Variants in HHAT observed in about 807,000 individuals in gnomAD.
HHAT encodes hedgehog acyltransferase.
Under a neutral mutation model 70.8 loss-of-function variants are expected in HHAT, and 47 were observed. That is an observed-to-expected ratio of 0.66 (90% CI 0.53 to 0.85). The LOEUF (loss-of-function observed/expected upper bound fraction) is 0.85, where lower values mean the gene tolerates loss of function less well. Among genes scored for constraint, HHAT ranks in the 40% least tolerant of loss-of-function variants. The pLI is 0.00. For missense variants in HHAT, 609 were observed against 604.8 expected (o/e 1.01, Z -0.07); for synonymous variants, 228 against 247.6 (o/e 0.92, Z 0.74).
chr1:210,630,706 C>T (rs1191232844), intron 11 of HHAT, among the ~76,000 whole-genome samples: 3 of 152,176 alleles, frequency 2.0e-5, no homozygotes, highest in African/African-American at 7.2e-5. Flanking sequence ...AAGCAACATG[C>T]GACCCAGGAC....
intron 3 of HHAT, among the ~76,000 whole-genome samples, chr1:210,367,813 C>T (rs1025754102): frequency 1.3e-5 from 2 of 152,032 alleles, no homozygotes; most frequent in African/African-American, 2.4e-5. Context: ...TGCGTAGGTG[C>T]GGCTGTCAAG....
intron 9 of HHAT, among the ~76,000 whole-genome samples, chr1:210,556,652 C>T (rs1030189056): frequency 1.3e-5 from 2 of 152,162 alleles, no homozygotes; most frequent in Non-Finnish European, 2.9e-5. Flanking sequence ...CACTCTCTTG[C>T]CATGTTTGAT....
At chr1:210,424,401 A>G (rs957247795) in intron 7 of HHAT, among the ~76,000 whole-genome samples, 5 of 151,870 alleles carry the variant, frequency 3.3e-5, no homozygotes, top group Non-Finnish European at 7.4e-5. Context: ...TATCAATTCA[A>G]ATAGTTTTTT....
At chr1:210,454,941 TAAAG>T (rs1332481089) in intron 7 of HHAT, among the ~76,000 whole-genome samples, 1 of 152,196 alleles carries the variant, frequency 6.6e-6, no homozygotes, top group African/African-American at 2.4e-5. Flanking sequence ...AGTTTGGTGT[TAAAG>T]AAAAAGAAGA....
At chr1:210,534,405 TTTTG>T (rs1050850702) in intron 9 of HHAT, among the ~76,000 whole-genome samples, 6 of 151,964 alleles carry the variant, frequency 3.9e-5, no homozygotes, top group Admixed American at 1.3e-4. Context: ...TTTTGTTACA[TTTTG>T]TTTATTTCAT....
intron 7 of HHAT, among the ~76,000 whole-genome samples, chr1:210,445,236 C>A (rs543994193): frequency 6.6e-6 from 1 of 152,132 alleles, no homozygotes; most frequent in Admixed American, 6.5e-5. Context: ...TCTCCCTAGC[C>A]CCCTCTGCCT....
chr1:210,573,514 A>G (rs1367898656), intron 9 of HHAT, among the ~76,000 whole-genome samples: 8 of 152,220 alleles, frequency 5.3e-5, no homozygotes, highest in African/African-American at 1.2e-4. Context: ...AGGCCCAGCC[A>G]TGGTTTTATT....
chr1:210,395,980 A>G (rs1331735582), intron 4 of HHAT, among the ~76,000 whole-genome samples: 3 of 152,164 alleles, frequency 2.0e-5, no homozygotes, highest in African/African-American at 7.2e-5. Context: ...AGTTTAGCCT[A>G]TTAAGGAGAC....
chr1:210,344,419 C>T (rs1262549454), intron 1 of HHAT, among the ~76,000 whole-genome samples: 1 of 152,122 alleles, frequency 6.6e-6, no homozygotes, highest in Non-Finnish European at 1.5e-5. Context: ...CCTCCCACAT[C>T]CCACAGCTGT....
At chr1:210,604,746 T>TG (rs776946653) in intron 10 of HHAT, among the ~76,000 whole-genome samples, 170 of 152,326 alleles carry the variant, frequency 1.1e-3, no homozygotes, top group Admixed American at 2.2e-3. Context: ...TTGGATGTAG[T>TG]GGCTCATACC....
intron 1 of HHAT, among the ~76,000 whole-genome samples, chr1:210,339,524 C>T (rs1558308694): frequency 6.6e-6 from 1 of 152,180 alleles, no homozygotes; most frequent in Non-Finnish European, 1.5e-5. Flanking sequence ...TGTTGCACCT[C>T]TTGCCTCTGT....
intron 11 of HHAT, among the ~76,000 whole-genome samples, chr1:210,665,818 T>C (rs1389035424): frequency 6.6e-6 from 1 of 152,164 alleles, no homozygotes; most frequent in African/African-American, 2.4e-5. Context: ...AAAACCAAAG[T>C]TTGAGAATCT....
At chr1:210,480,214 A>G (rs1022416021) in intron 8 of HHAT, among the ~76,000 whole-genome samples, 1 of 152,178 alleles carries the variant, frequency 6.6e-6, no homozygotes, top group Non-Finnish European at 1.5e-5. Flanking sequence ...ACCAACGTCC[A>G]AAGTGTGCTG....
At chr1:210,486,760 C>A (rs1417366274) in intron 8 of HHAT, among the ~76,000 whole-genome samples, 8 of 152,210 alleles carry the variant, frequency 5.3e-5, no homozygotes, top group African/African-American at 1.9e-4. Context: ...CAAGAGCATT[C>A]ATCTCAGGAA....
At chr1:210,578,172 A>G (rs1390562034) in intron 9 of HHAT, among the ~76,000 whole-genome samples, 1 of 152,042 alleles carries the variant, frequency 6.6e-6, no homozygotes, top group Non-Finnish European at 1.5e-5. Flanking sequence ...TCTCTTTGTT[A>G]TTAGTCTGTT....
intron 3 of HHAT, among the ~76,000 whole-genome samples, chr1:210,366,825 G>A (rs948839885): frequency 4.6e-5 from 7 of 152,052 alleles, no homozygotes; most frequent in African/African-American, 9.7e-5. Flanking sequence ...TGGGGCTCAC[G>A]CCTTCCCTGT....
intron 8 of HHAT, among the ~76,000 whole-genome samples, chr1:210,500,356 T>C (rs1384580681): frequency 6.6e-6 from 1 of 152,232 alleles, no homozygotes; most frequent in Non-Finnish European, 1.5e-5. Flanking sequence ...GTATTAATAA[T>C]AGCCTTATAT....
chr1:210,447,318 A>C (rs2093654815), intron 7 of HHAT, among the ~76,000 whole-genome samples: 1 of 152,214 alleles, frequency 6.6e-6, no homozygotes, highest in Admixed American at 6.5e-5. Flanking sequence ...GGTTTATTAC[A>C]AGTAATTACA....
At chr1:210,529,932 A>G (rs1010828877) in intron 9 of HHAT, among the ~76,000 whole-genome samples, 1 of 152,188 alleles carries the variant, frequency 6.6e-6, no homozygotes, top group Admixed American at 6.5e-5. Context: ...GTTGTTTGCA[A>G]CTAAAAACTA....
Sources: allele counts gnomAD v4.1 joint callset (sites outside exome capture counted in the v4.1 genomes callset), GRCh38; gene constraint gnomAD v4.1.1; transcripts MANE v1.5; gene names NCBI Gene and HGNC (gene_info 2026-07-23, HGNC 2026-07-21).